Variants in PTK2 observed in about 807,000 individuals in gnomAD.
PTK2 encodes the protein protein tyrosine kinase 2, also known as focal adhesion kinase 1.
PTK2 carries 45 observed loss-of-function variants against 150.1 expected under a neutral mutation model. The ratio of observed to expected loss-of-function variants is 0.30; its 90% CI spans 0.24 to 0.38. The LOEUF is 0.38. PTK2 is among the 10% of genes least tolerant of loss of function. The pLI is 1.00. For missense variants in PTK2, 919 were observed against 1,307.3 expected, an observed-to-expected ratio of 0.70 and a Z score of 4.58; for synonymous variants, 432 against 449.2, an observed-to-expected ratio of 0.96 and a Z score of 0.48.
intron 1 of PTK2, among the ~76,000 whole-genome samples, chr8:140,941,386 G>A (rs2100175687): frequency 2.0e-5 from 3 of 152,160 alleles, no homozygotes; most frequent in Admixed American, 2.0e-4. Context: ...TCATCTGCTG[G>A]AGACAGTGTC....
intron 5 of PTK2, among the ~76,000 whole-genome samples, chr8:140,848,396 C>A (rs942631801): frequency 1.4e-4 from 22 of 152,192 alleles, no homozygotes; most frequent in African/African-American, 5.3e-4. Flanking sequence ...CAAAACCTTT[C>A]TTTATTTTCT....
chr8:140,921,760 G>A (rs893191882), intron 2 of PTK2, among the ~76,000 whole-genome samples: 1 of 152,116 alleles, frequency 6.6e-6, no homozygotes, highest in East Asian at 1.9e-4. Flanking sequence ...ACATAAGTGA[G>A]TAATAAACTC....
At chr8:140,766,903 C>G (rs1256598753) in intron 14 of PTK2, among the ~76,000 whole-genome samples, 2 of 152,198 alleles carry the variant, frequency 1.3e-5, no homozygotes, top group East Asian at 3.8e-4. Context: ...ATGAGGATTA[C>G]AGGAGACATG....
intron 22 of PTK2, chr8:140,718,426 T>C (rs2100040970): frequency 6.6e-6 from 1 of 152,172 alleles, no homozygotes; most frequent in Non-Finnish European, 1.5e-5. Flanking sequence ...CATAAACCCC[T>C]CAGAATGCAG....
At chr8:140,724,648 T>C (rs951334381) in intron 22 of PTK2, among the ~76,000 whole-genome samples, 1 of 152,100 alleles carries the variant, frequency 6.6e-6, no homozygotes, top group Non-Finnish European at 1.5e-5. Flanking sequence ...AGCAATAAAT[T>C]TGAAGGGAAA....
intron 1 of PTK2, among the ~76,000 whole-genome samples, chr8:140,950,271 G>A (rs1001296234): frequency 3.3e-5 from 5 of 152,206 alleles, no homozygotes; most frequent in Admixed American, 6.5e-5. Context: ...AACGAGCAGA[G>A]GAGAATCCCC....
chr8:140,669,518 A>G (rs2094475940), intron 29 of PTK2: 1 of 533,830 alleles, frequency 1.9e-6, no homozygotes, highest in Admixed American at 3.6e-5. Flanking sequence ...GAAAAGCACA[A>G]GAATAATTCA....
intron 31 of PTK2, among the ~76,000 whole-genome samples, chr8:140,663,539 C>G (rs745917617): frequency 1.3e-5 from 2 of 152,178 alleles, no homozygotes; most frequent in East Asian, 3.9e-4. Context: ...GAATGTACAC[C>G]CTAGGCTCAA....
At chr8:140,841,586 C>T (rs1041795705) in intron 7 of PTK2, among the ~76,000 whole-genome samples, 20 of 151,942 alleles carry the variant, frequency 1.3e-4, no homozygotes, top group Non-Finnish European at 2.5e-4. Flanking sequence ...AATGAAAATA[C>T]GATTTTACTA....
intron 1 of PTK2, among the ~76,000 whole-genome samples, chr8:140,976,786 A>G (rs533993741): frequency 4.6e-5 from 7 of 152,266 alleles, no homozygotes; most frequent in South Asian, 2.1e-4. Context: ...TAACTAAGGT[A>G]TAACTTAGGC....
intron 26 of PTK2, among the ~76,000 whole-genome samples, chr8:140,688,479 C>T (rs2100021270): frequency 6.6e-6 from 1 of 151,814 alleles, no homozygotes; most frequent in African/African-American, 2.4e-5. Context: ...ATCTGGGAGG[C>T]TGAGGTGGGA....
At chr8:140,762,443 C>T (rs2154549005) in intron 15 of PTK2, 55 bp from the exon 18 acceptor site, 1 of 955,346 alleles carries the variant, frequency 1.0e-6, no homozygotes, top group Non-Finnish European at 1.3e-6. Context: ...AAATAACTAA[C>T]AGCAATTAGG....
chr8:140,902,934 T>G (rs1465672916), intron 2 of PTK2, among the ~76,000 whole-genome samples: 1,394 of 134,232 alleles, frequency 0.01, 65 homozygotes, highest in East Asian at 0.05. Context: ...GTTTTTTTTT[T>G]TTTTTTTTTT....
At chr8:140,798,937 A>C (rs536414282) in intron 12 of PTK2, among the ~76,000 whole-genome samples, 1 of 152,358 alleles carries the variant, frequency 6.6e-6, no homozygotes, top group East Asian at 1.9e-4. Context: ...TTTAACTGAG[A>C]GTAACTGTAG....
chr8:140,874,953 T>C (rs1423042072), intron 4 of PTK2, among the ~76,000 whole-genome samples: 1 of 152,142 alleles, frequency 6.6e-6, no homozygotes, highest in African/African-American at 2.4e-5. Flanking sequence ...GAACCAGGAA[T>C]AGAGGAGTGA....
At chr8:140,925,423 A>C (rs1435539426) in intron 2 of PTK2, 2 of 153,468 alleles carry the variant, frequency 1.3e-5, no homozygotes, top group Admixed American at 6.5e-5. Flanking sequence ...CATTTCCAGT[A>C]AGATTACTAA....
intron 1 of PTK2, chr8:140,948,625 A>C (rs912413099): frequency 1.3e-5 from 2 of 152,356 alleles, no homozygotes; most frequent in African/African-American, 4.8e-5. Context: ...TCAACAGGTC[A>C]TTTAAAACAG....
intron 28 of PTK2, 32 bp from the exon 32 acceptor site, chr8:140,674,436 T>C (rs774599016): frequency 3.2e-6 from 5 of 1,543,304 alleles, no homozygotes; most frequent in Middle Eastern, 2.0e-4. Context: ...CATTAAGTCA[T>C]GTGCGTTAAG....
At chr8:140,743,460 T>C in intron 19 of PTK2, 130 bp from the exon 23 acceptor site, 1 of 523,504 alleles carries the variant, frequency 1.9e-6, no homozygotes, top group East Asian at 3.0e-5. Context: ...TTATATGATA[T>C]TTATTATAGG....
Sources: allele counts gnomAD v4.1 joint callset (sites outside exome capture counted in the v4.1 genomes callset), GRCh38; gene constraint gnomAD v4.1.1; transcripts MANE v1.5; gene names NCBI Gene and HGNC (gene_info 2026-07-23, HGNC 2026-07-21).